The following CDC25C variants were observed in gnomAD, a reference collection of about 807,000 sequenced individuals.
The protein encoded by CDC25C is cell division cycle 25C.
Under a neutral mutation model 52.5 loss-of-function variants are expected in CDC25C, and 48 were observed. That is an observed-to-expected ratio of 0.91 (90% confidence interval 0.72 to 1.16). CDC25C has a LOEUF of 1.16. CDC25C is among the 50% of genes most tolerant of loss of function. The probability of loss-of-function intolerance (pLI) is 0.00; values close to 1 mark genes in which losing one functional copy is unlikely to be tolerated. For missense variants in CDC25C, 510 were observed against 566.1 expected, an observed-to-expected ratio of 0.90 and a Z score of 1.01; for synonymous variants, 187 against 206.5, an observed-to-expected ratio of 0.91 and a Z score of 0.81.
intron 7 of CDC25C, among the ~76,000 whole-genome samples, chr5:138,316,851 C>T (rs748129192): frequency 6.6e-6 from 1 of 152,066 alleles, no homozygotes; most frequent in African/African-American, 2.4e-5. Context: ...GAGGAGCTGC[C>T]CCCTGTGGGT....
At chr5:138,337,405 GT>G (rs1760778949) in intron 1 of CDC25C, 1 of 153,510 alleles carries the variant, frequency 6.5e-6, no homozygotes, top group African/African-American at 2.4e-5. Flanking sequence ...CCATCTGCCT[GT>G]TTCCTCCTTC....
intron 8 of CDC25C, 68 bp downstream of exon 8, chr5:138,291,902 C>T: frequency 7.4e-7 from 1 of 1,346,890 alleles, no homozygotes; most frequent in Non-Finnish European, 1.0e-6. Flanking sequence ...ATAAAACAAT[C>T]CTCATACCAG....
chr5:138,304,693 T>A (rs748571488), intron 7 of CDC25C, among the ~76,000 whole-genome samples: 2 of 151,936 alleles, frequency 1.3e-5, no homozygotes, highest in Non-Finnish European at 2.9e-5. Flanking sequence ...TTTTTAGTAG[T>A]GATGAGGTTT....
chr5:138,325,702 T>C, intron 6 of CDC25C, 113 bp downstream of exon 6: 1 of 749,288 alleles, frequency 1.3e-6, no homozygotes, highest in Non-Finnish European at 2.2e-6. Context: ...AGTAATACAG[T>C]TTCCTTGTCT....
At chr5:138,338,097 C>T (rs1251880073) in exon 1 of CDC25C, 1 of 1,289,826 alleles carries the variant, frequency 7.8e-7, no homozygotes, top group South Asian at 1.2e-5. Flanking sequence ...GGCTCGTTCC[C>T]AACAGCGCTG....
intron 7 of CDC25C, among the ~76,000 whole-genome samples, chr5:138,314,130 G>A (rs929377266): frequency 6.6e-6 from 1 of 150,836 alleles, no homozygotes; most frequent in African/African-American, 2.4e-5. Flanking sequence ...TGAGTAGCTG[G>A]GATTACAGGT....
intron 7 of CDC25C, among the ~76,000 whole-genome samples, chr5:138,298,964 G>C (rs906204806): frequency 2.0e-5 from 3 of 151,266 alleles, no homozygotes; most frequent in African/African-American, 2.4e-5. Context: ...AGGCTGAGGC[G>C]GGCGGATCAC....
chr5:138,292,198 T>G (rs1720344758), intron 7 of CDC25C, 82 bp from the exon 8 acceptor site: 1 of 1,123,400 alleles, frequency 8.9e-7, no homozygotes, highest in Non-Finnish European at 1.3e-6. Flanking sequence ...TCCTGGGAGC[T>G]TCTTTGAAAT....
In CDC25C at chr5:138,325,906, T is replaced by C. The variant is rs775815221; in HGVS notation, c.370-2A>G. Reference sequence around the variant, plus strand: ...CGGAGTGCTACAAAGAAGCTGTGCCTAAAAAAGAGAGTTTGCTGAGAACGT... The same window carrying C: ...CGGAGTGCTACAAAGAAGCTGTGCCCAAAAAAGAGAGTTTGCTGAGAACGT... On this transcript the variant is annotated splice_acceptor_variant, in intron 5 of 13. Transcript: ENST00000323760. LOFTEE classifies it high-confidence loss of function. 6.2e-7 allele frequency: 1 copy of C among 1,613,888 alleles called. No individual in the cohort carries two copies. Among genetic ancestry groups the C allele is most frequent in the South Asian group, 1.1e-5 (1 of 91,078 alleles).
chr5:138,334,860 G>A (rs1372965930), upstream of CDC25C, among the ~76,000 whole-genome samples: 1 of 152,206 alleles, frequency 6.6e-6, no homozygotes, highest in Non-Finnish European at 1.5e-5. Context: ...TGATTTATGA[G>A]GGTGTTGGAA....
intron 2 of CDC25C, among the ~76,000 whole-genome samples, chr5:138,330,734 C>G (rs1349869197): frequency 6.6e-6 from 1 of 152,202 alleles, no homozygotes; most frequent in East Asian, 1.9e-4. Context: ...GTCTTGAACT[C>G]CTAGACTCAG....
Position 138,285,780 on chromosome 5 carries a change from A to G in CDC25C, c.1334T>C (p.Leu445Pro). 1 of 1,614,160 alleles carries G rather than the reference A, an allele frequency of 6.2e-7. No individual in the cohort carries two copies. Among genetic ancestry groups the G allele is most frequent in the Non-Finnish European group, 8.5e-7 (1 of 1,179,988 alleles). ...MHHQDHKTEL[L>P]RCRSQSKVQE... The stretch of plus-strand genomic sequence containing the variant: ...CACTTTGCTCTGGCTTCGACACCTC[A>G]GCAACTCAGTCTTGTGGTCCTGATG... Residue 445 changes from leucine (L) to proline (P), a missense_variant, in exon 14 of 14, where the codon CTG becomes CCG. Coordinates refer to ENST00000323760, the MANE Select transcript of CDC25C (RefSeq NM_001790.5).
chr5:138,290,912 AC>A (rs1169931203), intron 8 of CDC25C, among the ~76,000 whole-genome samples, 172 bp from the exon 9 acceptor site: 1 of 152,040 alleles, frequency 6.6e-6, no homozygotes, highest in Non-Finnish European at 1.5e-5. Context: ...CTACGATTGC[AC>A]CACTGCACTC....
At chr5:138,304,499 C>A (rs1013837618) in intron 7 of CDC25C, among the ~76,000 whole-genome samples, 3 of 148,954 alleles carry the variant, frequency 2.0e-5, no homozygotes, top group Non-Finnish European at 4.5e-5. Flanking sequence ...CTGCTTCCAA[C>A]TCTTTTTTTT....
At chr5:138,313,379 C>CAAAAAA (rs774904685) in intron 7 of CDC25C, among the ~76,000 whole-genome samples, 1 of 37,060 alleles carries the variant, frequency 2.7e-5, no homozygotes, top group Non-Finnish European at 5.7e-5. Context: ...CTATATCTCA[C>CAAAAAA]AAAAAAAAAA....
At chr5:138,319,133 T>G in intron 7 of CDC25C, 86 bp downstream of exon 7, 1 of 1,222,102 alleles carries the variant, frequency 8.2e-7, no homozygotes, top group Non-Finnish European at 1.1e-6. Flanking sequence ...TCAAATAAAC[T>G]CTCCTAAGTT....
intron 7 of CDC25C, among the ~76,000 whole-genome samples, chr5:138,294,294 C>A (rs369363541): frequency 1.6e-4 from 24 of 151,468 alleles, no homozygotes; most frequent in African/African-American, 5.6e-4. Context: ...CAGGTTTCAG[C>A]AATTCTCCTG....
At chr5:138,326,177 GTCTCT>G in intron 4 of CDC25C, 123 bp from the exon 5 acceptor site, 6 of 971,112 alleles carry the variant, frequency 6.2e-6, no homozygotes, top group Non-Finnish European at 1.0e-5. Flanking sequence ...TAGTTGATAT[GTCTCT>G]TCCAACAACA....
At chr5:138,323,818 C>T (rs980641633) in intron 6 of CDC25C, among the ~76,000 whole-genome samples, 1 of 151,814 alleles carries the variant, frequency 6.6e-6, no homozygotes, top group Non-Finnish European at 1.5e-5. Context: ...ATTAGCTGGG[C>T]GTGGTGCCAC....
Sources: gnomAD v4.1 joint callset for allele counts (sites outside exome capture counted in the v4.1 genomes callset) on GRCh38, gnomAD v4.1.1 for gene constraint, MANE v1.5 for transcripts, NCBI Gene and HGNC (gene_info 2026-07-23, HGNC 2026-07-21) for gene names.